The following ARFGEF1 variants were observed in gnomAD, a reference collection of about 807,000 sequenced individuals.
ARFGEF1 encodes the protein ARF guanine nucleotide exchange factor 1.
ARFGEF1 carries 42 observed loss-of-function variants against 231.0 expected under a neutral mutation model. That is an observed-to-expected ratio of 0.18 (90% CI 0.14 to 0.24). The LOEUF (loss-of-function observed/expected upper bound fraction) is 0.24. ARFGEF1 is among the 10% of genes least tolerant of loss of function. ARFGEF1 has a pLI of 1.00. For missense variants in ARFGEF1, 1,345 were observed against 2,192.0 expected (o/e 0.61, Z 7.72); for synonymous variants, 710 against 732.3 (o/e 0.97, Z 0.49).
chr8:67,321,166 G>C (rs1011420804), intron 1 of ARFGEF1, among the ~76,000 whole-genome samples: 3 of 151,786 alleles, frequency 2.0e-5, no homozygotes, highest in Admixed American at 6.6e-5. Context: ...TAAGTATGGG[G>C]GGGGGTTTGG....
intron 1 of ARFGEF1, among the ~76,000 whole-genome samples, chr8:67,327,040 T>C (rs1031092349): frequency 6.6e-6 from 1 of 152,130 alleles, no homozygotes; most frequent in East Asian, 1.9e-4. Context: ...CCAAGCAATA[T>C]CAAAAACATT....
At chr8:67,310,528 G>C (rs1202378231) in intron 1 of ARFGEF1, among the ~76,000 whole-genome samples, 1 of 152,210 alleles carries the variant, frequency 6.6e-6, no homozygotes, top group Non-Finnish European at 1.5e-5. Flanking sequence ...CCCCATCTGG[G>C]AAGTGAGGAG....
At chr8:67,318,687 C>T (rs113626038) in intron 1 of ARFGEF1, among the ~76,000 whole-genome samples, 6 of 152,270 alleles carry the variant, frequency 3.9e-5, no homozygotes, top group African/African-American at 1.2e-4. Context: ...TAAAAAAATA[C>T]TATCTACAGC....
At chr8:67,195,112 A>C (rs1837620011), downstream of ARFGEF1, among the ~76,000 whole-genome samples, 1 of 152,222 alleles carries the variant, frequency 6.6e-6, no homozygotes, top group Admixed American at 6.5e-5. Context: ...TGATATGCTT[A>C]GAATCCCTCT....
intron 1 of ARFGEF1, among the ~76,000 whole-genome samples, chr8:67,314,631 G>A (rs560986338): frequency 1.4e-5 from 2 of 145,554 alleles, no homozygotes; most frequent in African/African-American, 5.2e-5. Flanking sequence ...GGCCAGGGTG[G>A]GTGGAAATCT....
At chr8:67,217,581 T>C (rs559188992) in intron 32 of ARFGEF1, among the ~76,000 whole-genome samples, 1 of 152,350 alleles carries the variant, frequency 6.6e-6, no homozygotes, top group South Asian at 2.1e-4. Flanking sequence ...TTTTGGTTTA[T>C]AAATAGTTTA....
At chr8:67,238,982 T>A in intron 20 of ARFGEF1, 89 bp from the exon 21 acceptor site, 1 of 982,524 alleles carries the variant, frequency 1.0e-6, no homozygotes, top group Non-Finnish European at 1.4e-6. Flanking sequence ...ACTTGTTCAG[T>A]AAGATTTTGT....
intron 19 of ARFGEF1, among the ~76,000 whole-genome samples, chr8:67,250,585 T>TA (rs1840250977): frequency 6.6e-6 from 1 of 152,176 alleles, no homozygotes. Flanking sequence ...TACCCACACA[T>TA]ACGTGTAGTT....
intron 1 of ARFGEF1, among the ~76,000 whole-genome samples, chr8:67,308,227 C>G (rs1420074901): frequency 6.6e-6 from 1 of 152,200 alleles, no homozygotes; most frequent in Non-Finnish European, 1.5e-5. Flanking sequence ...TCCTGACACA[C>G]AGAACCTGTA....
At position 67,277,414 on chromosome 8, in the gene ARFGEF1, G is replaced by C. The variant is rs1196161647; in HGVS notation, c.1071C>G (p.Asn357Lys). The C allele has an allele frequency of 1.2e-6, 2 of 1,613,520 alleles. No homozygotes were observed. Among genetic ancestry groups the C allele is most frequent in the Non-Finnish European group, 8.5e-7 (1 of 1,179,758 alleles). ...GTTINASADGNIGTIEDGSDS... is the reference protein window; with the variant it reads ...GTTINASADGKIGTIEDGSDS... Reference sequence around the variant, plus strand: ...CACTACCATCCTCTATAGTTCCAATGTTGCCATCTGCACTTGCATTTATAG... The same window carrying C: ...CACTACCATCCTCTATAGTTCCAATCTTGCCATCTGCACTTGCATTTATAG... The change falls in exon 8 of 39, where the codon AAC becomes AAG. Residue 357 changes from asparagine (N) to lysine (K), a missense_variant. Asn to Lys is a moderately conservative substitution (Grantham distance 94). This residue lies in a region of ARFGEF1 where 398 missense variants were observed against 463.2 expected (regional missense o/e 0.86). Coordinates refer to ENST00000262215, the MANE Select transcript of ARFGEF1 (RefSeq NM_006421.5).
At chr8:67,192,027 T>C (rs1231959516) in intron 5 of ARFGEF1, among the ~76,000 whole-genome samples, 1 of 152,136 alleles carries the variant, frequency 6.6e-6, no homozygotes, top group Non-Finnish European at 1.5e-5. Flanking sequence ...GTTGTATATT[T>C]TCTTAGGAGA....
In ARFGEF1 at chr8:67,343,383, A is replaced by AG; in HGVS notation, c.-97dup. ...GGAAGGAAGAGAAGAGAGAAAGGAG[A>AG]GGGGGTGGAGGTGGGGGATTGGAGG... is the stretch of plus-strand genomic sequence containing the variant. On this transcript the variant is annotated 5_prime_UTR_variant, in exon 1 of 39. Transcript: ENST00000262215. 1 of 1,050,238 alleles carries AG rather than the reference A, an allele frequency of 9.5e-7. No individual in the cohort carries two copies. Among genetic ancestry groups the AG allele is most frequent in the Non-Finnish European group, 1.2e-6 (1 of 811,204 alleles). The allele number at this position is 1,050,238 out of a possible 1,614,324, so 65.1% of individuals were successfully genotyped here.
At chr8:67,277,200 A>G in intron 8 of ARFGEF1, 82 bp downstream of exon 8, 4 of 1,376,180 alleles carry the variant, frequency 2.9e-6, no homozygotes, top group Admixed American at 2.3e-5. Context: ...ATCAGCTGAA[A>G]ATACTCATGA....
chr8:67,181,415 A>G (rs968990590), intron 5 of ARFGEF1, among the ~76,000 whole-genome samples: 2 of 150,614 alleles, frequency 1.3e-5, no homozygotes, highest in African/African-American at 4.9e-5. Flanking sequence ...GAAAGATAAA[A>G]CCAGCAGGAG....
intron 2 of ARFGEF1, among the ~76,000 whole-genome samples, 191 bp downstream of exon 2, chr8:67,302,245 T>C (rs1047611279): frequency 6.6e-6 from 1 of 151,508 alleles, no homozygotes; most frequent in Non-Finnish European, 1.5e-5. Flanking sequence ...TAAAAATAGG[T>C]TTTAAGAAAT....
intron 38 of ARFGEF1, chr8:67,200,097 AG>A: frequency 2.6e-6 from 1 of 389,046 alleles, no homozygotes; most frequent in South Asian, 2.0e-5. Flanking sequence ...AATGGGGCAA[AG>A]GGGGAGATTC....
intron 27 of ARFGEF1, among the ~76,000 whole-genome samples, chr8:67,226,785 C>T (rs1168905181): frequency 6.6e-6 from 1 of 152,038 alleles, no homozygotes; most frequent in East Asian, 1.9e-4. Flanking sequence ...TTTAATACTC[C>T]ATGGGTCTCA....
chr8:67,292,159 A>G lies in ARFGEF1; in HGVS notation c.640-36T>C, dbSNP rs200741157. ...ATAAAATTTCCAATATTAGTAAAAT[A>G]AGTTGTTTAAAATTTGGAAGGATAA... On this transcript the variant is annotated intron_variant, in intron 5 of 38. Coordinates refer to ENST00000262215, the MANE Select transcript of ARFGEF1 (RefSeq NM_006421.5). The G allele has an allele frequency of 7.8e-4, 1,236 of 1,577,804 alleles. 10 individuals are homozygous for G. The highest frequency in any genetic ancestry group is 3.8e-3 in the South Asian group (328 of 87,222).
At position 67,324,915 on chromosome 8, in the gene ARFGEF1, C is replaced by CG. The variant is rs547169360; in HGVS notation, c.124+18248_124+18249insC. Among the ~76,000 whole-genome samples, 177 of 143,618 alleles carry CG rather than the reference C, an allele frequency of 1.2e-3. 1 individual carries two copies. The highest frequency in any genetic ancestry group is 4.4e-3 in the African/African-American group (173 of 39,086). 94.2% of individuals were successfully genotyped at this position (143,618 alleles called of 152,430 possible). ...AAAGAGCCAGAGAGAAAAAAATCCA[C>CG]TTTTTTTTTTTTTTTGAGACAGAGT... On this transcript the variant is annotated intron_variant, in intron 1 of 38. Transcript: ENST00000262215.
Sources: allele counts gnomAD v4.1 joint callset (sites outside exome capture counted in the v4.1 genomes callset), GRCh38; gene constraint gnomAD v4.1.1; regional missense constraint gnomAD v4.1.1; transcripts MANE v1.5; gene names NCBI Gene and HGNC (gene_info 2026-07-23, HGNC 2026-07-21).